Variants in EPB41L2 observed in about 807,000 individuals in gnomAD.
The protein encoded by EPB41L2 is band 4.1-like protein 2.
A neutral mutation model predicts 113.0 loss-of-function variants in EPB41L2; 43 were observed. The ratio of observed to expected loss-of-function variants is 0.38; its 90% CI spans 0.30 to 0.49. The LOEUF (loss-of-function observed/expected upper bound fraction) is 0.49. Ranked by LOEUF, EPB41L2 falls within the 20% of genes least tolerant of loss-of-function variation. The pLI, the probability that EPB41L2 is intolerant of heterozygous loss-of-function variation, is 0.95. For missense variants in EPB41L2, 1,147 were observed against 1,223.4 expected (o/e 0.94, Z 0.93); for synonymous variants, 442 against 436.7 (o/e 1.01, Z -0.15).
intron 1 of EPB41L2, among the ~76,000 whole-genome samples, chr6:131,049,048 G>A (rs1796045567): frequency 6.6e-6 from 1 of 152,174 alleles, no homozygotes; most frequent in Admixed American, 6.5e-5. Flanking sequence ...TGAAGATGAA[G>A]GTAAAATGAC....
chr6:130,995,403 C>T (rs191472943), intron 1 of EPB41L2, among the ~76,000 whole-genome samples: 154 of 152,320 alleles, frequency 1.0e-3, no homozygotes, highest in African/African-American at 3.6e-3. Flanking sequence ...CTCTGGGAGG[C>T]CTAGGCAGGC....
At position 130,897,856 on chromosome 6, in the gene EPB41L2, C is replaced by T. The variant is rs143611139; in HGVS notation, c.1236+1635G>A. On this transcript the variant is annotated intron_variant, in intron 8 of 19. Coordinates refer to ENST00000337057, the MANE Select transcript of EPB41L2 (RefSeq NM_001431.4). ...TCATTCTCTGCACTGTTTTATGTAG[C>T]TGTAAAATTAAAAAACATTCAAACT... 7.9e-5 allele frequency among the ~76,000 whole-genome samples: 12 copies of T among 152,036 alleles called. No individual in the cohort carries two copies. In the East Asian group the frequency reaches 2.3e-3, roughly 29 times the overall value.
chr6:130,887,391 C>T (rs1484167124), intron 11 of EPB41L2, among the ~76,000 whole-genome samples: 2 of 152,064 alleles, frequency 1.3e-5, no homozygotes, highest in African/African-American at 4.8e-5. Context: ...TCTAATTGTT[C>T]TCTTGCATCA....
chr6:130,899,587 C>A lies in EPB41L2; in HGVS notation c.1149-9G>T, dbSNP rs780558574. 1.2e-6 allele frequency: 2 copies of A among 1,610,844 alleles called. No individual in the cohort carries two copies. Among genetic ancestry groups the A allele is most frequent in the South Asian group, 2.2e-5 (2 of 90,978 alleles). ...GTGCTGGCGATAAGCCCCTGAGAAT[C>A]AAAAGAAACAGTATTATCTTATTAA... On this transcript the variant is annotated splice_polypyrimidine_tract_variant and intron_variant, in intron 7 of 19. Coordinates refer to ENST00000337057, the MANE Select transcript of EPB41L2 (RefSeq NM_001431.4).
intron 1 of EPB41L2, among the ~76,000 whole-genome samples, chr6:131,024,802 A>G (rs149980154): frequency 6.6e-6 from 1 of 152,184 alleles, no homozygotes; most frequent in Non-Finnish European, 1.5e-5. Context: ...CCTGAGAATA[A>G]AAAAAGGTTA....
At chr6:130,899,942 C>T (rs1795839222) in intron 7 of EPB41L2, among the ~76,000 whole-genome samples, 1 of 152,214 alleles carries the variant, frequency 6.6e-6, no homozygotes, top group South Asian at 2.1e-4. Flanking sequence ...CTTACTCCTT[C>T]ATTTTATTTC....
At chr6:130,995,118 C>T (rs1444556787) in intron 1 of EPB41L2, among the ~76,000 whole-genome samples, 1 of 151,988 alleles carries the variant, frequency 6.6e-6, no homozygotes, top group Non-Finnish European at 1.5e-5. Context: ...GGGTGGATCA[C>T]GAGGTCAGGA....
At chr6:131,041,182 T>C (rs150624219) in intron 1 of EPB41L2, among the ~76,000 whole-genome samples, 3 of 152,278 alleles carry the variant, frequency 2.0e-5, no homozygotes, top group African/African-American at 4.8e-5. Flanking sequence ...GATATAATAG[T>C]GTGCTGGTTA....
intron 1 of EPB41L2, among the ~76,000 whole-genome samples, chr6:130,963,132 C>T (rs1016155161): frequency 1.3e-5 from 2 of 152,182 alleles, no homozygotes; most frequent in African/African-American, 4.8e-5. Flanking sequence ...CCACACATGG[C>T]CCAGTCCTGT....
chr6:130,956,098 C>T lies in EPB41L2; in HGVS notation c.388G>A (p.Glu130Lys). ...TCTTGTTTCTTCTGAGCCATTTCTT[C>T]AGCATCACCCTTAGCCTGTCTCTGT... ...EEQRQAKGDA[E>K]EMAQKKQEIK... is the part of the protein sequence containing the mutation. The change falls in exon 2 of 20, where the codon GAA becomes AAA. Residue 130 changes from glutamate to lysine, a missense_variant. Transcript: ENST00000337057. 6.2e-7 allele frequency: 1 copy of T among 1,614,144 alleles called. No homozygotes were observed. Among genetic ancestry groups the T allele is most frequent in the South Asian group, 1.1e-5 (1 of 91,076 alleles).
chr6:130,871,712 A>G (rs1209627173), intron 14 of EPB41L2, among the ~76,000 whole-genome samples: 4 of 152,234 alleles, frequency 2.6e-5, no homozygotes, highest in African/African-American at 9.6e-5. Flanking sequence ...TTCCAGTTTT[A>G]TTGAAAACTC....
rs984746396 is a variant in EPB41L2 at position 130,840,424 on chromosome 6, A to T, written c.*180T>A. The T allele has an allele frequency of 6.6e-6, 1 of 152,240 alleles. No individual in the cohort carries two copies. The highest frequency in any genetic ancestry group is 6.5e-5 in the Admixed American group (1 of 15,272). 9.4% of individuals were successfully genotyped at this position (152,240 alleles called of 1,614,324 possible). ...TATATTAAATGCATGGGAGCAATATAGACCAGAGCTGGTAAGGAAAGGTTT... is the reference window on the plus strand; with the variant it reads ...TATATTAAATGCATGGGAGCAATATTGACCAGAGCTGGTAAGGAAAGGTTT... On this transcript the variant is annotated 3_prime_UTR_variant, in exon 20 of 20. Coordinates refer to ENST00000337057, the MANE Select transcript of EPB41L2 (RefSeq NM_001431.4).
intron 6 of EPB41L2, 138 bp from the exon 7 acceptor site, chr6:130,901,318 T>A: frequency 2.9e-6 from 2 of 686,696 alleles, no homozygotes; most frequent in Non-Finnish European, 4.8e-6. Flanking sequence ...GCAAAAATCA[T>A]CTTCTCTAAT....
chr6:130,974,421 T>A (rs560765104), intron 1 of EPB41L2, among the ~76,000 whole-genome samples: 4 of 152,168 alleles, frequency 2.6e-5, no homozygotes, highest in Non-Finnish European at 4.4e-5. Flanking sequence ...TGGAACCCAA[T>A]GCTACTGCTC....
At chr6:130,928,186 A>G (rs535581567) in intron 3 of EPB41L2, among the ~76,000 whole-genome samples, 1 of 152,336 alleles carries the variant, frequency 6.6e-6, no homozygotes, top group East Asian at 1.9e-4. Flanking sequence ...AGTCAATTAA[A>G]TTACTGAGCA....
chr6:130,963,027 A>G (rs1422080788), intron 1 of EPB41L2, among the ~76,000 whole-genome samples: 1 of 152,206 alleles, frequency 6.6e-6, no homozygotes, highest in East Asian at 1.9e-4. Flanking sequence ...GTCATCTTGA[A>G]TCCACAGAGA....
intron 4 of EPB41L2, among the ~76,000 whole-genome samples, chr6:130,916,622 CCGTGG>C (rs1281191505): frequency 6.6e-6 from 1 of 152,160 alleles, no homozygotes; most frequent in African/African-American, 2.4e-5. Flanking sequence ...TCCCCTCCTC[CCGTGG>C]CTTTCATGAC....
intron 11 of EPB41L2, among the ~76,000 whole-genome samples, chr6:130,885,814 T>C (rs558273074): frequency 3.3e-5 from 5 of 152,314 alleles, no homozygotes; most frequent in African/African-American, 9.6e-5. Flanking sequence ...TCTATATTTA[T>C]GTTTAATATT....
chr6:130,848,199 T>TCTCTCACACA (rs376078462), intron 19 of EPB41L2, among the ~76,000 whole-genome samples: 39 of 113,502 alleles, frequency 3.4e-4, no homozygotes, highest in Middle Eastern at 4.5e-3. Flanking sequence ...TCTCTCTCTC[T>TCTCTCACACA]CACACACACA....
Sources: allele counts gnomAD v4.1 joint callset (sites outside exome capture counted in the v4.1 genomes callset), GRCh38; gene constraint gnomAD v4.1.1; transcripts MANE v1.5; gene names NCBI Gene and HGNC (gene_info 2026-07-23, HGNC 2026-07-21).